Variants in C12orf56 observed in about 807,000 individuals in gnomAD.
The protein encoded by C12orf56 is chromosome 12 open reading frame 56.
Under a neutral mutation model 69.9 loss-of-function variants are expected in C12orf56, and 71 were observed. The observed-to-expected ratio is 1.02, with a 90% CI of 0.84 to 1.24. C12orf56 has a LOEUF of 1.24. C12orf56 is among the 50% of genes most tolerant of loss of function. The probability of loss-of-function intolerance (pLI) is 0.00; values close to 1 mark genes in which losing one functional copy is unlikely to be tolerated. For missense variants in C12orf56, 732 were observed against 738.5 expected, an observed-to-expected ratio of 0.99 and a Z score of 0.10; for synonymous variants, 276 against 274.1, an observed-to-expected ratio of 1.01 and a Z score of -0.07.
At chr12:64,322,583 C>T (rs371943176) in intron 3 of C12orf56, among the ~76,000 whole-genome samples, 20 of 152,102 alleles carry the variant, frequency 1.3e-4, no homozygotes, top group East Asian at 9.7e-4. Context: ...TTTGGGAGGC[C>T]GAGGTGGAAG....
At chr12:64,374,637 A>T (rs2039617569) in intron 1 of C12orf56, among the ~76,000 whole-genome samples, 1 of 150,914 alleles carries the variant, frequency 6.6e-6, no homozygotes, top group African/African-American at 2.4e-5. Context: ...TCCGCCTCCC[A>T]GGTTCCAGTG....
chr12:64,365,162 C>CTT (rs386376771), intron 1 of C12orf56, among the ~76,000 whole-genome samples: 51,364 of 122,808 alleles, frequency 0.42, 12,293 homozygotes, highest in Non-Finnish European at 0.55. Flanking sequence ...AAAGCTGTTC[C>CTT]TTTTTTTTTT....
chr12:64,297,534 T>C (rs2038382713), intron 6 of C12orf56, among the ~76,000 whole-genome samples: 1 of 152,132 alleles, frequency 6.6e-6, no homozygotes, highest in Non-Finnish European at 1.5e-5. Context: ...CCCTCCCCTA[T>C]TCCCCCGTCC....
At chr12:64,367,964 C>T (rs989452952) in intron 1 of C12orf56, among the ~76,000 whole-genome samples, 2 of 151,720 alleles carry the variant, frequency 1.3e-5, no homozygotes, top group African/African-American at 2.4e-5. Context: ...CATGCCACCA[C>T]GCCCAGCTAA....
rs1291526122 is a variant in C12orf56, at chr12:64,266,141, T to C, written c.*1042A>G. ...GGTGGAGGAGGAGGGTGTCATCCTA[T>C]TGCTCAGCATTTCCCAAATAATCAC... On this transcript the variant is annotated 3_prime_UTR_variant, in exon 13 of 13. Transcript: ENST00000543942. 1 of 152,274 alleles carries C rather than the reference T, an allele frequency of 6.6e-6. No individual in the cohort carries two copies. The allele number at this position is 152,274 out of a possible 1,614,324, so 9.4% of individuals were successfully genotyped here. A position where few individuals can be genotyped will look rare whatever the true frequency, so the allele number is the denominator to read the frequency against.
intron 1 of C12orf56, among the ~76,000 whole-genome samples, chr12:64,362,562 G>A (rs1320571845): frequency 6.6e-6 from 1 of 151,958 alleles, no homozygotes; most frequent in Non-Finnish European, 1.5e-5. Context: ...CATGGTTTTG[G>A]GTGCCTGTAA....
intron 2 of C12orf56, among the ~76,000 whole-genome samples, chr12:64,333,597 G>A (rs745372583): frequency 2.6e-5 from 4 of 152,140 alleles, no homozygotes. Flanking sequence ...CGCCTCCCAG[G>A]CAAAAGCAAT....
At chr12:64,362,246 A>G (rs1394290058) in intron 1 of C12orf56, among the ~76,000 whole-genome samples, 1 of 152,082 alleles carries the variant, frequency 6.6e-6, no homozygotes, top group Non-Finnish European at 1.5e-5. Context: ...CATAAATTAT[A>G]GTATTTTGTA....
intron 8 of C12orf56, 24 bp from the exon 9 acceptor site, chr12:64,277,827 A>G (rs747765605): frequency 1.4e-5 from 21 of 1,508,184 alleles, no homozygotes; most frequent in East Asian, 2.4e-5. Context: ...AATAAAAGGC[A>G]ATTAGTGAGC....
At chr12:64,307,344 C>G (rs1188576944) in intron 5 of C12orf56, among the ~76,000 whole-genome samples, 2 of 144,456 alleles carry the variant, frequency 1.4e-5, no homozygotes, top group African/African-American at 5.1e-5. Flanking sequence ...ATCAAACATT[C>G]TTTGGTATTG....
chr12:64,358,106 A>G (rs752452359), intron 1 of C12orf56, among the ~76,000 whole-genome samples: 10 of 152,106 alleles, frequency 6.6e-5, no homozygotes, highest in South Asian at 2.1e-4. Flanking sequence ...CCAAAAGATT[A>G]CATACCAAAA....
chr12:64,270,264 G>A (rs1386262013), intron 12 of C12orf56, among the ~76,000 whole-genome samples: 1 of 151,962 alleles, frequency 6.6e-6, no homozygotes, highest in Non-Finnish European at 1.5e-5. Flanking sequence ...AGCCAGGCAT[G>A]GTGGCGGGCG....
In C12orf56 at chr12:64,386,084, C is replaced by T. The variant is rs1252481967; in HGVS notation, c.252+4230G>A. On this transcript the variant is annotated intron_variant, in intron 1 of 12. Transcript: ENST00000543942. The stretch of plus-strand genomic sequence containing the variant: ...CCTTGCCTTTTCTAGCTTCTCCAGG[C>T]CCCCTACATTCCTTGGCTAAGGCCT... Among the ~76,000 whole-genome samples the T allele has an allele frequency of 2.0e-5, 3 of 152,258 alleles. No homozygotes were observed. The South Asian group carries it at 6.2e-4, about 32-fold the overall frequency.
chr12:64,356,508 C>T (rs2039319983), intron 1 of C12orf56, among the ~76,000 whole-genome samples: 1 of 152,150 alleles, frequency 6.6e-6, no homozygotes, highest in Admixed American at 6.6e-5. Flanking sequence ...CCCCTGTTGG[C>T]TAGGGTTGGA....
intron 3 of C12orf56, among the ~76,000 whole-genome samples, chr12:64,326,758 A>T (rs1391407672): frequency 1.3e-5 from 2 of 151,770 alleles, no homozygotes; most frequent in Non-Finnish European, 2.9e-5. Context: ...AAAAAGAAAG[A>T]AAGAAATTGT....
chr12:64,299,259 C>A (rs2038412096), intron 6 of C12orf56, among the ~76,000 whole-genome samples: 1 of 152,118 alleles, frequency 6.6e-6, no homozygotes, highest in Non-Finnish European at 1.5e-5. Context: ...GCTGAAGTTG[C>A]TTTGATAAGC....
At chr12:64,366,095 TTATA>T (rs1215761938) in intron 1 of C12orf56, among the ~76,000 whole-genome samples, 1 of 127,272 alleles carries the variant, frequency 7.9e-6, no homozygotes. Context: ...AATATATAGT[TTATA>T]TATTATATAT....
chr12:64,378,929 T>G (rs962435305), intron 1 of C12orf56, among the ~76,000 whole-genome samples: 2 of 151,792 alleles, frequency 1.3e-5, no homozygotes, highest in Non-Finnish European at 2.9e-5. Context: ...TGCGTGCCTG[T>G]AGTCCCAGCT....
chr12:64,372,502 AT>A (rs997854771), intron 1 of C12orf56, among the ~76,000 whole-genome samples: 1 of 151,764 alleles, frequency 6.6e-6, no homozygotes, highest in African/African-American at 2.4e-5. Context: ...GCTTTTAGTA[AT>A]TTTTTTTAGG....
Sources: allele counts gnomAD v4.1 joint callset (sites outside exome capture counted in the v4.1 genomes callset), GRCh38; gene constraint gnomAD v4.1.1; transcripts MANE v1.5; gene names NCBI Gene and HGNC (gene_info 2026-07-23, HGNC 2026-07-21).